NDRG4: variants seen among roughly 807,000 people sequenced by gnomAD.
The protein encoded by NDRG4 is NDRG family member 4, also known as protein NDRG4.
NDRG4 carries 38 observed loss-of-function variants against 55.8 expected under a neutral mutation model. The ratio of observed to expected loss-of-function variants is 0.68; its 90% confidence interval spans 0.53 to 0.89. The LOEUF (loss-of-function observed/expected upper bound fraction) is 0.89, where lower values mean the gene tolerates loss of function less well. Among genes scored for constraint, NDRG4 ranks in the 40% least tolerant of loss-of-function variants. NDRG4 has a pLI of 0.00. For synonymous variants in NDRG4, 190 were observed against 182.7 expected (o/e 1.04, Z -0.32); for missense variants, 455 against 468.6 (o/e 0.97, Z 0.27).
At chr16:58,511,297 C>A in intron 14 of NDRG4, 125 bp from the exon 15 acceptor site, 1 of 1,129,816 alleles carries the variant, frequency 8.9e-7, no homozygotes, top group Non-Finnish European at 1.3e-6. Flanking sequence ...CCTCCTGACT[C>A]AGGAGGAGCC....
At chr16:58,497,001 C>A (rs2036487649), upstream of NDRG4, 2 of 152,134 alleles carry the variant, frequency 1.3e-5, no homozygotes, top group South Asian at 4.1e-4. Context: ...ATTCGTGAAG[C>A]CTTCCATACT....
Position 58,504,242 on chromosome 16 carries a change from A to G in NDRG4, c.216A>G (p.Gly72=). The change falls in exon 3 of 15, where the codon GGA becomes GGG. Residue 72 remains glycine (G), a synonymous_variant. Coordinates refer to ENST00000570248, the MANE Select transcript of NDRG4 (RefSeq NM_001242835.2). ...HFVVCHVDAP[G]QQVGASQFPQ... is the part of the protein sequence containing the mutation. Reference sequence around the variant, plus strand: ...TGGTGTGTCACGTGGATGCCCCTGGACAACAGGTGGGGGCGTCGCAGTTTC... The same window carrying G: ...TGGTGTGTCACGTGGATGCCCCTGGGCAACAGGTGGGGGCGTCGCAGTTTC... The G allele has an allele frequency of 6.2e-7, 1 of 1,614,142 alleles. No individual in the cohort carries two copies.
intron 1 of NDRG4, chr16:58,501,963 T>C (rs1169859212): frequency 2.2e-6 from 1 of 455,646 alleles, no homozygotes. Flanking sequence ...GCATTGCAGT[T>C]CTTTTGCAGC....
intron 1 of NDRG4, among the ~76,000 whole-genome samples, chr16:58,502,900 A>G (rs868449766): frequency 2.4e-4 from 36 of 152,344 alleles, no homozygotes; most frequent in Middle Eastern, 3.4e-3. Flanking sequence ...AACAGCGAGA[A>G]GGGCATTCTC....
chr16:58,493,910 G>C lies in NDRG4; in HGVS notation c.73-1054G>C, dbSNP rs531111020. ...GGGGAGACGGGGACCCAGAGTGGGT[G>C]AGTCGCACAGCCAGAGCCAGGCCCC... On this transcript the variant is annotated intron_variant, in intron 2 of 15. Coordinates refer to the NDRG4 transcript ENST00000258187. Among the ~76,000 whole-genome samples, 3 of 152,324 alleles carry C rather than the reference G, an allele frequency of 2.0e-5. No homozygotes were observed. The East Asian group carries it at 5.8e-4, about 30-fold the overall frequency.
Position 58,504,390 on chromosome 16 carries a change from G to A in NDRG4, c.280G>A (p.Ala94Thr). 2.5e-6 allele frequency: 4 copies of A among 1,612,992 alleles called. No homozygotes were observed. Among genetic ancestry groups the A allele is most frequent in the Admixed American group, 1.7e-5 (1 of 60,034 alleles). The change falls in exon 4 of 15, where the codon GCC (alanine) becomes ACC (threonine). Residue 94 changes from alanine to threonine, a missense_variant. Transcript: ENST00000570248. The stretch of plus-strand genomic sequence containing the variant: ...GTTCCCCTCCATGGAGCAGCTGGCT[G>A]CCATGCTCCCCAGCGTGGTGCAGCA... ...YQFPSMEQLAAMLPSVVQHFG... is the reference protein window; with the variant it reads ...YQFPSMEQLATMLPSVVQHFG...
chr16:58,466,233 C>G (rs1010932426), intron 1 of NDRG4, among the ~76,000 whole-genome samples: 4 of 152,206 alleles, frequency 2.6e-5, no homozygotes, highest in Admixed American at 6.5e-5. Flanking sequence ...CCAGGCTGGT[C>G]TCGAACTTCT....
rs1012527594 is a variant in NDRG4 at position 58,490,258 on chromosome 16, G to A, written c.72+2408G>A. On this transcript the variant is annotated intron_variant, in intron 2 of 15. Coordinates refer to the NDRG4 transcript ENST00000258187. ...GCAAGTGCTGAAGTGTGCAGGTTGCGGGACAGCCGCACGGAGGTGCTGCCT... is the reference window on the plus strand; with the variant it reads ...GCAAGTGCTGAAGTGTGCAGGTTGCAGGACAGCCGCACGGAGGTGCTGCCT... 6.6e-5 allele frequency among the ~76,000 whole-genome samples: 10 copies of A among 152,334 alleles called. 1 individual carries two copies. The highest frequency in any genetic ancestry group is 2.6e-4 in the Admixed American group (4 of 15,306).
At chr16:58,467,940 C>T (rs544964770) in intron 1 of NDRG4, among the ~76,000 whole-genome samples, 4 of 152,210 alleles carry the variant, frequency 2.6e-5, no homozygotes, top group Non-Finnish European at 5.9e-5. Flanking sequence ...TCCAGATTCC[C>T]TCCCCGCAGG....
Position 58,512,668 on chromosome 16 carries a change from C to G in NDRG4, c.*1092C>G, listed in dbSNP as rs1446478454. The G allele has an allele frequency of 6.4e-6, 1 of 155,350 alleles. No homozygotes were observed. The highest frequency in any genetic ancestry group is 6.2e-5 in the Admixed American group (1 of 16,008). 9.6% of individuals were successfully genotyped at this position (155,350 alleles called of 1,614,324 possible). A position where few individuals can be genotyped will look rare whatever the true frequency, so the allele number is the denominator to read the frequency against. ...TGGGGCTTACTGGGGGCTGAAGGTTCTGGACATGAACAAGGGTCAGGTAGA... is the reference window on the plus strand; with the variant it reads ...TGGGGCTTACTGGGGGCTGAAGGTTGTGGACATGAACAAGGGTCAGGTAGA... On this transcript the variant is annotated 3_prime_UTR_variant, in exon 15 of 15. Transcript: ENST00000570248.
At chr16:58,505,958 G>A (rs1268802006) in intron 5 of NDRG4, 1 of 307,940 alleles carries the variant, frequency 3.2e-6, no homozygotes, top group Non-Finnish European at 6.1e-6. Context: ...CTGACCTCAG[G>A]TGATCAGCCC....
chr16:58,469,199 G>A (rs1197691506), intron 1 of NDRG4, among the ~76,000 whole-genome samples: 1 of 152,202 alleles, frequency 6.6e-6, no homozygotes. Flanking sequence ...GGAAACTGAG[G>A]CATAGGTTTG....
At chr16:58,479,637 G>A (rs1010085805) in intron 1 of NDRG4, among the ~76,000 whole-genome samples, 1 of 152,124 alleles carries the variant, frequency 6.6e-6, no homozygotes, top group African/African-American at 2.4e-5. Flanking sequence ...AGTAAGTTGT[G>A]GTCTGTGTGA....
At chr16:58,487,463 C>G (rs918831840) in intron 1 of NDRG4, among the ~76,000 whole-genome samples, 22 of 151,878 alleles carry the variant, frequency 1.4e-4, no homozygotes, top group African/African-American at 4.8e-4. Context: ...AAGGTTGCAG[C>G]GAGCCAAGAT....
intron 1 of NDRG4, among the ~76,000 whole-genome samples, chr16:58,478,281 T>G (rs2033949839): frequency 6.6e-6 from 1 of 151,704 alleles, no homozygotes; most frequent in Admixed American, 6.6e-5. Flanking sequence ...CCCAGCTACT[T>G]GGGAGGCTGA....
intron 1 of NDRG4, among the ~76,000 whole-genome samples, chr16:58,477,554 T>C (rs2033829568): frequency 6.6e-6 from 1 of 152,088 alleles, no homozygotes; most frequent in African/African-American, 2.4e-5. Flanking sequence ...TAAATATCCA[T>C]GAGTCCTTAT....
At chr16:58,487,900 G>A in intron 2 of NDRG4, 1 of 1,392,770 alleles carries the variant, frequency 7.2e-7, no homozygotes, top group Non-Finnish European at 9.7e-7. Flanking sequence ...GCGCCACCTC[G>A]TGGCCAAGAG....
At chr16:58,465,208 C>A in intron 1 of NDRG4, 3 of 834,220 alleles carry the variant, frequency 3.6e-6, no homozygotes, top group Non-Finnish European at 5.2e-6. Context: ...GTGCTCCATC[C>A]GTGTATGTCA....
At chr16:58,467,943 C>T (rs966577093) in intron 1 of NDRG4, among the ~76,000 whole-genome samples, 14 of 152,314 alleles carry the variant, frequency 9.2e-5, no homozygotes, top group African/African-American at 3.1e-4. Context: ...AGATTCCCTC[C>T]CCGCAGGGTG....
Sources: allele counts gnomAD v4.1 joint callset (sites outside exome capture counted in the v4.1 genomes callset), GRCh38; gene constraint gnomAD v4.1.1; transcripts MANE v1.5; gene names NCBI Gene and HGNC (gene_info 2026-07-23, HGNC 2026-07-21).